SPOCK3: variants seen among roughly 807,000 people sequenced by gnomAD.
SPOCK3 encodes SPARC (osteonectin), cwcv and kazal like domains proteoglycan 3.
SPOCK3 carries 30 observed loss-of-function variants against 56.6 expected under a neutral mutation model. The ratio of observed to expected loss-of-function variants is 0.53; its 90% CI spans 0.40 to 0.72. The LOEUF (loss-of-function observed/expected upper bound fraction) is 0.72, where lower values mean the gene tolerates loss of function less well. Ranked by LOEUF, SPOCK3 falls within the 30% of genes least tolerant of loss-of-function variation. The pLI, the probability that SPOCK3 is intolerant of heterozygous loss-of-function variation, is 0.00. For missense variants in SPOCK3, 527 were observed against 530.0 expected, an observed-to-expected ratio of 0.99 and a Z score of 0.06; for synonymous variants, 196 against 183.3, an observed-to-expected ratio of 1.07 and a Z score of -0.56.
chr4:167,068,398 T>A (rs908846723), intron 2 of SPOCK3, among the ~76,000 whole-genome samples: 4 of 151,768 alleles, frequency 2.6e-5, no homozygotes, highest in African/African-American at 9.7e-5. Context: ...ATTAATATAG[T>A]TCTAGTTCAT....
chr4:167,228,849 T>C (rs1021019088), intron 2 of SPOCK3, among the ~76,000 whole-genome samples: 1 of 152,136 alleles, frequency 6.6e-6, no homozygotes, highest in Admixed American at 6.6e-5. Flanking sequence ...TTAAACAATA[T>C]GAATAATAGT....
chr4:167,055,227 T>C (rs1428286442), intron 3 of SPOCK3, among the ~76,000 whole-genome samples: 1 of 152,152 alleles, frequency 6.6e-6, no homozygotes, highest in Non-Finnish European at 1.5e-5. Context: ...AAAAATATGG[T>C]AAATTAAAAA....
rs67108499 is a variant in SPOCK3, at chr4:167,046,450, C to CTTT, written c.235+16039_235+16041dup. On this transcript the variant is annotated intron_variant, in intron 3 of 10. Coordinates refer to ENST00000357545, the MANE Select transcript of SPOCK3 (RefSeq NM_001040159.2). ...TTATCTTTTTTTTCTTTCTGATATT[C>CTTT]TTTTTTTTTTTTTTTTTTTTTTTTT... Among the ~76,000 whole-genome samples, 240 of 53,698 alleles carry CTTT rather than the reference C, an allele frequency of 4.5e-3. 25 individuals carry two copies. Among genetic ancestry groups the CTTT allele is most frequent in the Middle Eastern group, 0.019 (1 of 54 alleles). The allele number at this position is 53,698 out of a possible 152,430, so 35.2% of individuals were successfully genotyped here.
chr4:166,943,069 T>C (rs1011972442), intron 4 of SPOCK3, among the ~76,000 whole-genome samples: 6 of 152,246 alleles, frequency 3.9e-5, no homozygotes, highest in South Asian at 2.1e-4. Context: ...ATAATTTCTA[T>C]TTGGTTTTCT....
chr4:167,170,848 A>G (rs2150465725), intron 2 of SPOCK3, among the ~76,000 whole-genome samples: 1 of 152,264 alleles, frequency 6.6e-6, no homozygotes, highest in South Asian at 2.1e-4. Context: ...CAAGTGTTTC[A>G]ACTTTTCAAA....
chr4:167,039,099 C>T (rs1326476451), intron 3 of SPOCK3, among the ~76,000 whole-genome samples: 6 of 152,156 alleles, frequency 3.9e-5, no homozygotes, highest in African/African-American at 1.4e-4. Context: ...GTCCATGCTT[C>T]TGTCCTAGCT....
rs1307594546 is a variant in SPOCK3 at position 166,955,611 on chromosome 4, ATTAAATTTAATATAAT to A, written c.351-42884_351-42869del. ...ATTAAATTTAATATAATCAAATTAG[ATTAAATTTAATATAAT>A]TTAATTATATTAAATTTAATTATAA... On this transcript the variant is annotated intron_variant, in intron 4 of 10. Transcript: ENST00000357545. 2.1e-5 allele frequency among the ~76,000 whole-genome samples: 3 copies of A among 145,884 alleles called. No homozygotes were observed. The East Asian group carries it at 5.9e-4, about 29-fold the overall frequency.
chr4:166,992,650 C>T (rs1370093947), intron 4 of SPOCK3, among the ~76,000 whole-genome samples: 1 of 152,128 alleles, frequency 6.6e-6, no homozygotes, highest in Non-Finnish European at 1.5e-5. Flanking sequence ...TTTTAATCTT[C>T]ATCTCTTAAG....
At chr4:167,092,856 C>T (rs1758823550) in intron 2 of SPOCK3, among the ~76,000 whole-genome samples, 1 of 150,840 alleles carries the variant, frequency 6.6e-6, no homozygotes, top group Non-Finnish European at 1.5e-5. Flanking sequence ...TGAAAATTTC[C>T]CTGATGCAAA....
intron 4 of SPOCK3, among the ~76,000 whole-genome samples, chr4:166,913,064 G>T (rs1455664837): frequency 4.6e-5 from 7 of 151,974 alleles, no homozygotes; most frequent in African/African-American, 1.7e-4. Flanking sequence ...CAGCAATAAA[G>T]AACTCACACA....
Position 166,812,706 on chromosome 4 carries a change from T to C in SPOCK3, c.590-20417A>G, listed in dbSNP as rs184186430. Among the ~76,000 whole-genome samples, 76 of 152,144 alleles carry C rather than the reference T, an allele frequency of 5.0e-4. No individual in the cohort carries two copies. The East Asian group carries it at 0.014, about 27-fold the overall frequency. ...AGTATGATATTGGAATGAACTTTTCTACTTTGGGATATACTTCCATCAGAT... is the reference window on the plus strand; with the variant it reads ...AGTATGATATTGGAATGAACTTTTCCACTTTGGGATATACTTCCATCAGAT... On this transcript the variant is annotated intron_variant, in intron 6 of 10. Coordinates refer to ENST00000357545, the MANE Select transcript of SPOCK3 (RefSeq NM_001040159.2).
chr4:166,962,542 A>G (rs1315706253), intron 4 of SPOCK3, among the ~76,000 whole-genome samples: 5 of 152,152 alleles, frequency 3.3e-5, no homozygotes, highest in African/African-American at 1.2e-4. Flanking sequence ...TTGCAATGAA[A>G]TATTTTAGAG....
At chr4:167,163,793 A>T (rs749453065) in intron 2 of SPOCK3, among the ~76,000 whole-genome samples, 18 of 152,148 alleles carry the variant, frequency 1.2e-4, no homozygotes, top group Non-Finnish European at 2.2e-4. Flanking sequence ...TTAGCTGATA[A>T]TCACTCAAGT....
chr4:166,893,078 GGA>G (rs1215559497), intron 5 of SPOCK3, among the ~76,000 whole-genome samples: 2 of 151,962 alleles, frequency 1.3e-5, no homozygotes, highest in African/African-American at 4.8e-5. Context: ...GAGGCAGAAG[GGA>G]GAGTGATTGT....
intron 6 of SPOCK3, among the ~76,000 whole-genome samples, chr4:166,866,844 T>G (rs1273692371): frequency 2.0e-5 from 3 of 152,114 alleles, no homozygotes; most frequent in Non-Finnish European, 4.4e-5. Context: ...GAATGCATTA[T>G]TACCTCATCA....
At chr4:166,898,840 T>C (rs1232838449) in intron 5 of SPOCK3, among the ~76,000 whole-genome samples, 1 of 152,136 alleles carries the variant, frequency 6.6e-6, no homozygotes, top group African/African-American at 2.4e-5. Flanking sequence ...AGGGATACCA[T>C]ATAGATGGTC....
chr4:166,891,027 G>T (rs1439819660), intron 5 of SPOCK3, among the ~76,000 whole-genome samples: 2 of 151,786 alleles, frequency 1.3e-5, no homozygotes, highest in Non-Finnish European at 2.9e-5. Context: ...TGTCATTTTT[G>T]ATCTTTGTTG....
chr4:167,114,116 C>G (rs986675817), intron 2 of SPOCK3, among the ~76,000 whole-genome samples: 2 of 152,088 alleles, frequency 1.3e-5, no homozygotes. Context: ...ACCAGACTAG[C>G]TTATAGCAGA....
intron 2 of SPOCK3, among the ~76,000 whole-genome samples, chr4:167,157,303 A>T (rs1764896435): frequency 6.6e-6 from 1 of 151,632 alleles, no homozygotes; most frequent in African/African-American, 2.4e-5. Flanking sequence ...GTATTATCTC[A>T]TGACTTCGGA....
Sources: gnomAD v4.1 joint callset for allele counts (sites outside exome capture counted in the v4.1 genomes callset) on GRCh38, gnomAD v4.1.1 for gene constraint, MANE v1.5 for transcripts, NCBI Gene and HGNC (gene_info 2026-07-23, HGNC 2026-07-21) for gene names.